The following ERICH1 variants were observed in gnomAD, a reference collection of about 807,000 sequenced individuals.
ERICH1 encodes glutamate rich 1, also known as glutamate-rich protein 1.
Under a neutral mutation model 39.6 loss-of-function variants are expected in ERICH1, and 56 were observed. The ratio of observed to expected loss-of-function variants is 1.41; its 90% CI spans 1.14 to 1.77. The LOEUF is 1.77. Among genes scored for constraint, ERICH1 ranks in the 40% most tolerant of loss-of-function variants. ERICH1 has a pLI of 0.00. For synonymous variants in ERICH1, 313 were observed against 223.6 expected, an observed-to-expected ratio of 1.40 and a Z score of -3.57; for missense variants, 826 against 575.4, an observed-to-expected ratio of 1.44 and a Z score of -4.45.
At chr8:726,721 CACACAGGCAA>C (rs1194551287) in intron 1 of ERICH1, among the ~76,000 whole-genome samples, 6 of 151,880 alleles carry the variant, frequency 4.0e-5, no homozygotes, top group Admixed American at 3.9e-4. Flanking sequence ...CACACAGGCA[CACACAGGCAA>C]ACAGATATGC....
downstream of ERICH1, among the ~76,000 whole-genome samples, chr8:661,728 A>C (rs1474072029): frequency 1.3e-5 from 2 of 152,196 alleles, no homozygotes; most frequent in Non-Finnish European, 2.9e-5. Context: ...TCCTTTTTGG[A>C]ATCAGAATGA....
chr8:712,749 A>T (rs1012751260), intron 2 of ERICH1, among the ~76,000 whole-genome samples: 1 of 152,260 alleles, frequency 6.6e-6, no homozygotes, highest in African/African-American at 2.4e-5. Flanking sequence ...GCTGACATAT[A>T]GGAAAGCAGT....
chr8:706,593 G>A lies in ERICH1; in HGVS notation c.169+9268C>T, dbSNP rs191392989. On this transcript the variant is annotated intron_variant, in intron 2 of 5. Coordinates refer to ENST00000262109, the MANE Select transcript of ERICH1 (RefSeq NM_207332.3). ...GTTCGAGACCAGCCTGACGAACATG[G>A]AGAAACCCCATCTCTACTAAAAAAA... is the stretch of plus-strand genomic sequence containing the variant. Among the ~76,000 whole-genome samples, 378 of 152,230 alleles carry A rather than the reference G, an allele frequency of 2.5e-3. 1 individual carries two copies. Among genetic ancestry groups the A allele is most frequent in the Non-Finnish European group, 4.3e-3 (293 of 68,028 alleles).
chr8:665,278 G>C (rs1362730751), intron 5 of ERICH1, among the ~76,000 whole-genome samples: 1 of 152,052 alleles, frequency 6.6e-6, no homozygotes, highest in East Asian at 1.9e-4. Context: ...TCCGACCTCT[G>C]AGCCCACTGG....
intron 3 of ERICH1, among the ~76,000 whole-genome samples, chr8:692,007 GCAA>G (rs1299558730): frequency 6.6e-6 from 1 of 152,180 alleles, no homozygotes; most frequent in Non-Finnish European, 1.5e-5. Flanking sequence ...CGTACGACAT[GCAA>G]CAACAATAGG....
At chr8:661,930 C>T (rs1433756897), downstream of ERICH1, among the ~76,000 whole-genome samples, 2 of 151,818 alleles carry the variant, frequency 1.3e-5, no homozygotes, top group African/African-American at 4.8e-5. Context: ...CACCACCCCC[C>T]GCAGTGGCAG....
At chr8:674,104 AT>A in intron 3 of ERICH1, 57 bp from the exon 4 acceptor site, 1 of 1,475,288 alleles carries the variant, frequency 6.8e-7, no homozygotes. Flanking sequence ...TAACAAACAT[AT>A]TAGGCTAAAT....
chr8:717,338 G>A (rs1816244469), intron 1 of ERICH1, among the ~76,000 whole-genome samples: 1 of 152,310 alleles, frequency 6.6e-6, no homozygotes, highest in African/African-American at 2.4e-5. Context: ...GCTGGCTGTG[G>A]TGAGCGGGTC....
intron 3 of ERICH1, among the ~76,000 whole-genome samples, chr8:657,252 G>A (rs1800775908): frequency 6.6e-6 from 1 of 152,160 alleles, no homozygotes; most frequent in African/African-American, 2.4e-5. Context: ...GCCCGATTTC[G>A]GTCAGGAGCC....
intron 3 of ERICH1, among the ~76,000 whole-genome samples, chr8:642,990 C>G (rs925272581): frequency 5.9e-5 from 9 of 152,160 alleles, no homozygotes; most frequent in Non-Finnish European, 8.8e-5. Context: ...TGGAACGTGG[C>G]CCGAAACAAA....
At chr8:715,711 G>C in intron 2 of ERICH1, 150 bp downstream of exon 2, 2 of 1,108,420 alleles carry the variant, frequency 1.8e-6, no homozygotes, top group Non-Finnish European at 2.6e-6. Flanking sequence ...TGTGTGGAGA[G>C]CGATGCCTGC....
At chr8:713,882 C>A (rs1255486456) in intron 2 of ERICH1, among the ~76,000 whole-genome samples, 1 of 152,182 alleles carries the variant, frequency 6.6e-6, no homozygotes, top group Non-Finnish European at 1.5e-5. Context: ...CACCCAGGAA[C>A]CCACGTCTGG....
intron 2 of ERICH1, among the ~76,000 whole-genome samples, chr8:695,750 G>C (rs368759608): frequency 1.5e-5 from 1 of 65,508 alleles, no homozygotes; most frequent in African/African-American, 5.4e-5. Context: ...CGCCTGTGCT[G>C]GCTCCTCTCA....
chr8:726,881 A>C (rs1818857847), intron 1 of ERICH1, among the ~76,000 whole-genome samples: 1 of 114,358 alleles, frequency 8.7e-6, no homozygotes. Flanking sequence ...ATGCACACAC[A>C]TGTACACACA....
intron 1 of ERICH1, chr8:725,350 GGTC>G: frequency 6.5e-6 from 1 of 153,670 alleles, no homozygotes; most frequent in Non-Finnish European, 1.5e-5. Context: ...GCATGTGATC[GGTC>G]ACCTGGCTGG....
intron 2 of ERICH1, among the ~76,000 whole-genome samples, chr8:707,278 G>A (rs1331665836): frequency 4.7e-5 from 7 of 150,306 alleles, no homozygotes; most frequent in Middle Eastern, 3.4e-3. Context: ...TGCGATCTTG[G>A]CTCACTGCAA....
In ERICH1 at chr8:674,836, T is replaced by C. The variant is rs1324143138; in HGVS notation, c.305-789A>G. 1.6e-4 allele frequency among the ~76,000 whole-genome samples: 25 copies of C among 152,220 alleles called. 1 individual carries two copies. Among genetic ancestry groups the C allele is most frequent in the Admixed American group, 1.6e-3 (25 of 15,286 alleles). ...GACTCCAGGTTGGCAGAAGGTGGTT[T>C]ATAAATAGCATAGGTTGGTGATGTG... On this transcript the variant is annotated intron_variant, in intron 3 of 5. Coordinates refer to ENST00000262109, the MANE Select transcript of ERICH1 (RefSeq NM_207332.3).
intron 3 of ERICH1, among the ~76,000 whole-genome samples, chr8:689,616 G>C (rs979626881): frequency 6.6e-6 from 1 of 152,194 alleles, no homozygotes; most frequent in Non-Finnish European, 1.5e-5. Flanking sequence ...CCAGGGAAGA[G>C]GCATGTTGGG....
chr8:637,624 C>G (rs768313286), intron 3 of ERICH1: 3 of 152,432 alleles, frequency 2.0e-5, no homozygotes, highest in Non-Finnish European at 4.4e-5. Context: ...GGCAGGGAAG[C>G]TGTGTGGGGT....
Sources: gnomAD v4.1 joint callset for allele counts (sites outside exome capture counted in the v4.1 genomes callset) on GRCh38, gnomAD v4.1.1 for gene constraint, MANE v1.5 for transcripts, NCBI Gene and HGNC (gene_info 2026-07-23, HGNC 2026-07-21) for gene names.